The following EFR3B variants were observed in gnomAD, a reference collection of about 807,000 sequenced individuals.
EFR3B encodes the protein protein EFR3 homolog B.
A neutral mutation model predicts 104.7 loss-of-function variants in EFR3B; 64 were observed. That is an observed-to-expected ratio of 0.61 (90% CI 0.50 to 0.75). The LOEUF is 0.75. Ranked by LOEUF, EFR3B falls within the 30% of genes least tolerant of loss-of-function variation. The pLI, the probability that EFR3B is intolerant of heterozygous loss-of-function variation, is 0.00. For missense variants in EFR3B, 750 were observed against 1,078.5 expected (o/e 0.70, Z 4.27); for synonymous variants, 385 against 417.9 (o/e 0.92, Z 0.96).
chr2:25,051,341 C>T (rs1667863264), intron 1 of EFR3B, among the ~76,000 whole-genome samples: 1 of 152,124 alleles, frequency 6.6e-6, no homozygotes, highest in Non-Finnish European at 1.5e-5. Context: ...TCTCGACCTC[C>T]TGACCTCAGG....
chr2:25,133,619 G>T (rs1274126745), intron 12 of EFR3B, among the ~76,000 whole-genome samples, 185 bp downstream of exon 12: 8 of 152,226 alleles, frequency 5.3e-5, no homozygotes, highest in African/African-American at 2.4e-5. Flanking sequence ...CACCCACAGA[G>T]CTGGGTCAGC....
At chr2:25,115,766 A>G (rs1310889275) in intron 4 of EFR3B, among the ~76,000 whole-genome samples, 1 of 152,262 alleles carries the variant, frequency 6.6e-6, no homozygotes, top group East Asian at 1.9e-4. Context: ...ACTGAGGCAG[A>G]GACAACACAG....
chr2:25,109,960 T>A (rs371118448), intron 4 of EFR3B, among the ~76,000 whole-genome samples: 8 of 152,076 alleles, frequency 5.3e-5, no homozygotes, highest in African/African-American at 1.7e-4. Flanking sequence ...CCAAGCCCAC[T>A]CGGAGGCTGG....
At chr2:25,070,851 GT>G (rs1465197143) in intron 1 of EFR3B, among the ~76,000 whole-genome samples, 1 of 152,238 alleles carries the variant, frequency 6.6e-6, no homozygotes, top group Non-Finnish European at 1.5e-5. Flanking sequence ...CATTGGGAGG[GT>G]GAAGATATCC....
chr2:25,130,191 G>C lies in EFR3B; in HGVS notation c.770+82G>C. 6.5e-7 allele frequency: 1 copy of C among 1,535,542 alleles called. No individual in the cohort carries two copies. Among genetic ancestry groups the C allele is most frequent in the Middle Eastern group, 1.7e-4 (1 of 5,934 alleles). ...TCCCTGGCATCTCCTGGCTGGCTGG[G>C]GGGAAGGGGATATTACAGTTGTGGT... On this transcript the variant is annotated intron_variant, in intron 7 of 22. Coordinates refer to ENST00000403714, the MANE Select transcript of EFR3B (RefSeq NM_014971.2). The surrounding 1 kb of genome is among the most constrained non-coding windows in gnomAD (Gnocchi z 4.6).
chr2:25,050,290 G>A lies in EFR3B; in HGVS notation c.7+7971G>A, dbSNP rs183122057. ...CTGGGGGCAGCTGTGCAGGGTGGTG[G>A]GAGGTGATGTGAAAATGAAGAGAAG... On this transcript the variant is annotated intron_variant, in intron 1 of 22. Coordinates refer to ENST00000403714, the MANE Select transcript of EFR3B (RefSeq NM_014971.2). Among the ~76,000 whole-genome samples, 4 of 152,280 alleles carry A rather than the reference G, an allele frequency of 2.6e-5. No individual in the cohort carries two copies. The East Asian group carries it at 7.7e-4, about 29-fold the overall frequency.
Position 25,121,569 on chromosome 2 carries a change from G to A in EFR3B, c.364-104G>A, listed in dbSNP as rs913329323. 45 of 1,436,278 alleles carry A rather than the reference G, an allele frequency of 3.1e-5. No homozygotes were observed. In the East Asian group the frequency reaches 6.5e-4, roughly 21 times the overall value. 89.0% of individuals were successfully genotyped at this position (1,436,278 alleles called of 1,614,324 possible). On this transcript the variant is annotated intron_variant, in intron 4 of 22. Transcript: ENST00000403714. The stretch of plus-strand genomic sequence containing the variant: ...GCCGGCCAAGCTGGCTCCAGGATGC[G>A]TGGTTCCCATGGCTTGACCATGGCA...
chr2:25,107,569 C>T (rs906876946), intron 4 of EFR3B, among the ~76,000 whole-genome samples: 2 of 152,136 alleles, frequency 1.3e-5, no homozygotes, highest in Admixed American at 6.5e-5. Context: ...ACTACTGACC[C>T]GTTCTAGTCT....
At chr2:25,066,733 A>G (rs1342664137) in intron 1 of EFR3B, among the ~76,000 whole-genome samples, 2 of 152,204 alleles carry the variant, frequency 1.3e-5, no homozygotes, top group East Asian at 3.9e-4. Flanking sequence ...TTCACCTTCT[A>G]CTATGTCTAA....
At chr2:25,047,099 G>T (rs1474490451) in intron 1 of EFR3B, among the ~76,000 whole-genome samples, 3 of 151,858 alleles carry the variant, frequency 2.0e-5, no homozygotes, top group African/African-American at 7.3e-5. Flanking sequence ...TTTTTTTCTT[G>T]TACATAAATA....
chr2:25,148,665 G>A (rs906873450), intron 19 of EFR3B, among the ~76,000 whole-genome samples: 1 of 151,216 alleles, frequency 6.6e-6, no homozygotes, highest in African/African-American at 2.4e-5. Context: ...GCTCACGCCT[G>A]TAATCCCAGC....
chr2:25,133,413 G>C lies in EFR3B; in HGVS notation c.1290G>C (p.Met430Ile). 1 of 1,552,356 alleles carries C rather than the reference G, an allele frequency of 6.4e-7. No individual in the cohort carries two copies. Among genetic ancestry groups the C allele is most frequent in the Non-Finnish European group, 8.7e-7 (1 of 1,147,150 alleles). ...GENRNRLTQI[M>I]LLKSLLQVST... ...ATAGGAACCGTCTGACCCAGATTAT[G>C]CTGCTAAAATCCCTCCTGCAGGTGA... Residue 430 changes from methionine (M) to isoleucine (I), a missense_variant, in exon 12 of 23, where the codon ATG becomes ATC. Physicochemically the swap from Met to Ile is conservative, Grantham distance 10. Coordinates refer to ENST00000403714, the MANE Select transcript of EFR3B (RefSeq NM_014971.2).
intron 1 of EFR3B, among the ~76,000 whole-genome samples, chr2:25,057,524 G>A (rs1207129612): frequency 1.3e-5 from 2 of 152,194 alleles, no homozygotes; most frequent in Non-Finnish European, 2.9e-5. Context: ...GCTCACGCCT[G>A]TAATCCCAAC....
intron 3 of EFR3B, among the ~76,000 whole-genome samples, chr2:25,098,625 C>T (rs974912450): frequency 6.6e-5 from 10 of 152,088 alleles, no homozygotes; most frequent in African/African-American, 1.7e-4. Context: ...CCATTGACTT[C>T]GAATTATGTA....
chr2:25,125,144 C>T (rs899567607), intron 5 of EFR3B, among the ~76,000 whole-genome samples: 3 of 152,204 alleles, frequency 2.0e-5, no homozygotes, highest in Non-Finnish European at 2.9e-5. Flanking sequence ...TTGAAAGGCA[C>T]GGTCAGCTCT....
At position 25,145,022 on chromosome 2, in the gene EFR3B, G is replaced by C; in HGVS notation, c.2113G>C (p.Glu705Gln). The C allele has an allele frequency of 6.4e-7, 1 of 1,551,790 alleles. No homozygotes were observed. Among genetic ancestry groups the C allele is most frequent in the Non-Finnish European group, 8.7e-7 (1 of 1,147,010 alleles). Residue 705 changes from glutamate (E) to glutamine (Q), a missense_variant, in exon 19 of 23, where the codon GAA (glutamate) becomes CAA (glutamine). Glu to Gln is a conservative substitution (Grantham distance 29). Transcript: ENST00000403714. ...GETISLQVEV[E>Q]SRNSPEKEER... ...GACCATCTCCCTGCAGGTGGAGGTA[G>C]AATCGAGGAACAGTCCGGAGAAGGA...
At chr2:25,138,353 C>A (rs915303214) in intron 15 of EFR3B, among the ~76,000 whole-genome samples, 5 of 152,118 alleles carry the variant, frequency 3.3e-5, no homozygotes, top group Non-Finnish European at 7.4e-5. Flanking sequence ...AGTGTGGCAC[C>A]GGACAGGGCT....
chr2:25,053,360 T>C (rs1056998468), intron 1 of EFR3B, among the ~76,000 whole-genome samples: 1 of 152,052 alleles, frequency 6.6e-6, no homozygotes, highest in Non-Finnish European at 1.5e-5. Flanking sequence ...GAGAGTAGGC[T>C]GAGGAGGGCG....
chr2:25,102,071 G>T (rs1669444421), intron 3 of EFR3B, among the ~76,000 whole-genome samples: 1 of 152,180 alleles, frequency 6.6e-6, no homozygotes, highest in Admixed American at 6.5e-5. Context: ...TTAGGAATTT[G>T]ATTCTTGGCA....
Sources: gnomAD v4.1 joint callset for allele counts (sites outside exome capture counted in the v4.1 genomes callset) on GRCh38, gnomAD v4.1.1 for gene constraint, Gnocchi (gnomAD v3.1) non-coding constraint, MANE v1.5 for transcripts, NCBI Gene and HGNC (gene_info 2026-07-23, HGNC 2026-07-21) for gene names.